ZNF286A: variants seen among roughly 807,000 people sequenced by gnomAD.
The protein encoded by ZNF286A is zinc finger protein ZNF286.
A neutral mutation model predicts 49.3 loss-of-function variants in ZNF286A; 34 were observed. The ratio of observed to expected loss-of-function variants is 0.69; its 90% CI spans 0.52 to 0.92. The LOEUF (loss-of-function observed/expected upper bound fraction) is 0.92, where lower values mean the gene tolerates loss of function less well. ZNF286A is among the 40% of genes least tolerant of loss of function. The probability of loss-of-function intolerance (pLI) is 0.00; values close to 1 mark genes in which losing one functional copy is unlikely to be tolerated. For synonymous variants in ZNF286A, 155 were observed against 200.4 expected, an observed-to-expected ratio of 0.77 and a Z score of 1.91; for missense variants, 462 against 600.2, an observed-to-expected ratio of 0.77 and a Z score of 2.41.
chr17:15,716,465 T>C lies in ZNF286A; in HGVS notation c.741T>C (p.Asp247=), dbSNP rs1334756984. The change falls in exon 6 of 6, where the codon GAT becomes GAC. Residue 247 remains aspartate, a synonymous_variant. Transcript: ENST00000583566. Reference sequence around the variant, plus strand: ...AGAAAAAACCTCATAAATGTAATGATTGTGGTGAACTCTTCACCTACCATT... The same window carrying C: ...AGAAAAAACCTCATAAATGTAATGACTGTGGTGAACTCTTCACCTACCATT... ...YKEKKPHKCN[D]CGELFTYHSV... 6.2e-7 allele frequency: 1 copy of C among 1,613,704 alleles called. No individual in the cohort carries two copies. Among genetic ancestry groups the C allele is most frequent in the African/African-American group, 1.3e-5 (1 of 74,864 alleles).
chr17:15,713,164 GTGGGT>G (rs1166557751), intron 5 of ZNF286A, among the ~76,000 whole-genome samples: 2 of 152,182 alleles, frequency 1.3e-5, no homozygotes, highest in Non-Finnish European at 2.9e-5. Context: ...GCCAAGGTGG[GTGGGT>G]TGATTGAGCC....
At chr17:15,702,444 G>A (rs1210170546) in intron 3 of ZNF286A, among the ~76,000 whole-genome samples, 2 of 151,608 alleles carry the variant, frequency 1.3e-5, no homozygotes, top group Non-Finnish European at 2.9e-5. Context: ...GAACCCAGGA[G>A]GCAGAGGTTG....
At chr17:15,709,408 CT>C (rs1232618455) in intron 5 of ZNF286A, among the ~76,000 whole-genome samples, 1 of 151,726 alleles carries the variant, frequency 6.6e-6, no homozygotes, top group East Asian at 1.9e-4. Flanking sequence ...AGGAGAATTG[CT>C]TGAACCCAGG....
At chr17:15,706,319 G>A in intron 3 of ZNF286A, 68 bp from the exon 4 acceptor site, 3 of 1,346,304 alleles carry the variant, frequency 2.2e-6, no homozygotes, top group Non-Finnish European at 3.2e-6. Flanking sequence ...TCCAGGGCCA[G>A]CAGAAACTGG....
chr17:15,715,109 A>G (rs1295740005), intron 5 of ZNF286A, among the ~76,000 whole-genome samples: 1 of 152,022 alleles, frequency 6.6e-6, no homozygotes, highest in Non-Finnish European at 1.5e-5. Flanking sequence ...CTATATTTAT[A>G]TTAGATATAT....
At chr17:15,699,987 A>G in intron 1 of ZNF286A, 148 bp from the exon 2 acceptor site, 3 of 606,632 alleles carry the variant, frequency 4.9e-6, no homozygotes, top group East Asian at 2.7e-5. Flanking sequence ...GTTCTGGGCC[A>G]GTGCCCCGAG....
intron 3 of ZNF286A, chr17:15,701,483 C>T: frequency 2.8e-6 from 1 of 357,390 alleles, no homozygotes; most frequent in South Asian, 5.4e-5. Context: ...CAGCATTTCC[C>T]TTTCTTAGCC....
At chr17:15,706,825 T>G (rs1990259894) in intron 4 of ZNF286A, among the ~76,000 whole-genome samples, 1 of 152,206 alleles carries the variant, frequency 6.6e-6, no homozygotes, top group African/African-American at 2.4e-5. Flanking sequence ...TTAGCTTGGT[T>G]TTGCTCTGTA....
chr17:15,715,945 C>T, intron 5 of ZNF286A, 114 bp from the exon 6 acceptor site: 1 of 1,534,324 alleles, frequency 6.5e-7, no homozygotes, highest in Non-Finnish European at 8.8e-7. Flanking sequence ...AGAGTCAAAT[C>T]CACTTGCTCC....
rs1307013800 is a variant in ZNF286A, at chr17:15,708,587, C to T, written c.334+340C>T. On this transcript the variant is annotated intron_variant, in intron 5 of 5. Transcript: ENST00000583566. ...CAAATCAAGAAAATAGCCTTACCAG[C>T]GCCTCTAGAAGCACCGGTGTGCCCT... Among the ~76,000 whole-genome samples, 7 of 152,278 alleles carry T rather than the reference C, an allele frequency of 4.6e-5. No homozygotes were observed. The East Asian group carries it at 5.8e-4, about 13-fold the overall frequency.
At chr17:15,704,454 A>G in intron 3 of ZNF286A, 1 of 1,611,570 alleles carries the variant, frequency 6.2e-7, no homozygotes. Context: ...CTGTGAGCAG[A>G]CGGGCCCGAG....
chr17:15,715,559 A>G (rs1388456531), intron 5 of ZNF286A, among the ~76,000 whole-genome samples: 1 of 152,088 alleles, frequency 6.6e-6, no homozygotes, highest in Non-Finnish European at 1.5e-5. Context: ...AGATCATAGG[A>G]GGTTTTTGAT....
intron 5 of ZNF286A, among the ~76,000 whole-genome samples, chr17:15,713,709 T>A (rs1308983754): frequency 1.3e-5 from 2 of 151,096 alleles, no homozygotes; most frequent in Non-Finnish European, 2.9e-5. Flanking sequence ...TTGTGCAATA[T>A]TTTTGAATAT....
At position 15,720,696 on chromosome 17, in the gene ZNF286A, T is replaced by C. The variant is rs1306190295; in HGVS notation, c.*3406T>C. ...ATGAATCTTGGAAATTTTAATGTTATGCATTTCAAATGTTTTTGGTTATCT... is the reference window on the plus strand; with the variant it reads ...ATGAATCTTGGAAATTTTAATGTTACGCATTTCAAATGTTTTTGGTTATCT... On this transcript the variant is annotated 3_prime_UTR_variant, in exon 6 of 6. Coordinates refer to ENST00000583566, the MANE Select transcript of ZNF286A (RefSeq NM_001130842.2). 6.6e-6 allele frequency: 1 copy of C among 151,052 alleles called. No homozygotes were observed. Among genetic ancestry groups the C allele is most frequent in the Non-Finnish European group, 1.5e-5 (1 of 67,810 alleles). 9.4% of individuals were successfully genotyped at this position (151,052 alleles called of 1,614,324 possible). A position where few individuals can be genotyped will look rare whatever the true frequency, so the allele number is the denominator to read the frequency against.
chr17:15,708,074 A>G (rs1449875977), intron 4 of ZNF286A, 81 bp from the exon 5 acceptor site: 1 of 956,204 alleles, frequency 1.0e-6, no homozygotes, highest in Non-Finnish European at 1.4e-6. Flanking sequence ...TAACAATTCA[A>G]CTGGCTTGAA....
At position 15,716,712 on chromosome 17, in the gene ZNF286A, G is replaced by A. The variant is rs768722679; in HGVS notation, c.988G>A (p.Glu330Lys). The A allele has an allele frequency of 5.0e-6, 8 of 1,613,812 alleles. No homozygotes were observed. In the East Asian group the frequency reaches 1.8e-4, roughly 36 times the overall value. ...TGGAGAGAGACCTTATGAATGCAAT[G>A]AATGTGGGAAAGGTTTTAATCGAAG... ...HVGERPYECN[E>K]CGKGFNRSTH... Residue 330 changes from glutamate to lysine, a missense_variant, in exon 6 of 6, where the codon GAA becomes AAA. By Grantham distance (56) the Glu-to-Lys change is moderately conservative (BLOSUM62 1). Coordinates refer to ENST00000583566, the MANE Select transcript of ZNF286A (RefSeq NM_001130842.2).
At chr17:15,704,919 G>A (rs1990094286) in intron 3 of ZNF286A, 6 of 1,575,640 alleles carry the variant, frequency 3.8e-6, no homozygotes, top group East Asian at 2.3e-5. Flanking sequence ...CCGGCCGGGG[G>A]CGGGTCCCCC....
At chr17:15,710,689 T>C (rs1990580071) in intron 5 of ZNF286A, among the ~76,000 whole-genome samples, 1 of 152,154 alleles carries the variant, frequency 6.6e-6, no homozygotes, top group Admixed American at 6.5e-5. Flanking sequence ...ATTGAAAGAG[T>C]TTAAAAATCT....
chr17:15,706,405 G>C lies in ZNF286A; in HGVS notation c.145G>C (p.Asp49His), dbSNP rs1220339673. 2 of 1,613,936 alleles carry C rather than the reference G, an allele frequency of 1.2e-6. No homozygotes were observed. Among genetic ancestry groups the C allele is most frequent in the South Asian group, 2.2e-5 (2 of 91,086 alleles). Residue 49 changes from aspartate to histidine, a missense_variant, in exon 4 of 6, where the codon GAT (aspartate) becomes CAT (histidine). Around this residue, in one of 3 missense-constraint regions of ZNF286A, gnomAD observed 259 missense variants for 272.2 expected, o/e 0.95. Transcript: ENST00000583566. ...ARSQETVTFK[D>H]VAMDFTPEEW... ...GTTTTAGGAAACAGTGACATTCAAG[G>C]ATGTGGCCATGGACTTTACACCAGA... is the stretch of plus-strand genomic sequence containing the variant.
Sources: gnomAD v4.1 joint callset for allele counts (sites outside exome capture counted in the v4.1 genomes callset) on GRCh38, gnomAD v4.1.1 for gene constraint, gnomAD v4.1.1 regional missense constraint, MANE v1.5 for transcripts, NCBI Gene and HGNC (gene_info 2026-07-23, HGNC 2026-07-21) for gene names.